TRAPPC9: variants seen among roughly 807,000 people sequenced by gnomAD.
The protein encoded by TRAPPC9 is trafficking protein particle complex subunit 9, also known as IKK2 binding protein.
In TRAPPC9, 83 loss-of-function variants were observed where a neutral mutation model predicts 124.0. The ratio of observed to expected loss-of-function variants is 0.67; its 90% confidence interval spans 0.56 to 0.80. The LOEUF (loss-of-function observed/expected upper bound fraction) is 0.80, where lower values mean the gene tolerates loss of function less well. Among genes scored for constraint, TRAPPC9 ranks in the 30% least tolerant of loss-of-function variants. The pLI is 0.00. For missense variants in TRAPPC9, 1,302 were observed against 1,508.3 expected, an observed-to-expected ratio of 0.86 and a Z score of 2.27; for synonymous variants, 638 against 617.5, an observed-to-expected ratio of 1.03 and a Z score of -0.49.
intron 21 of TRAPPC9, among the ~76,000 whole-genome samples, chr8:139,872,646 G>C (rs950792415): frequency 1.6e-4 from 24 of 150,216 alleles, no homozygotes; most frequent in Non-Finnish European, 3.4e-4. Flanking sequence ...GTAAATGGTT[G>C]GATAAGTGGA....
intron 21 of TRAPPC9, among the ~76,000 whole-genome samples, chr8:139,838,548 A>G (rs116769066): frequency 1.3e-5 from 2 of 152,274 alleles, no homozygotes; most frequent in South Asian, 2.1e-4. Flanking sequence ...GAGCCCCCCA[A>G]GGAAGAGAAT....
intron 7 of TRAPPC9, among the ~76,000 whole-genome samples, chr8:140,394,637 G>C (rs1289316471): frequency 6.6e-6 from 1 of 151,894 alleles, no homozygotes; most frequent in African/African-American, 2.4e-5. Flanking sequence ...TGACTTTTAT[G>C]CAAGACCTGT....
chr8:140,185,426 C>G (rs576032193), intron 17 of TRAPPC9, among the ~76,000 whole-genome samples: 1 of 152,208 alleles, frequency 6.6e-6, no homozygotes, highest in Non-Finnish European at 1.5e-5. Context: ...TGTGGAAGTG[C>G]GTTTCTCTCT....
intron 19 of TRAPPC9, chr8:139,932,792 C>A: frequency 3.0e-6 from 1 of 338,520 alleles, no homozygotes. Flanking sequence ...TCATGCAGGG[C>A]AGGGTCCCAA....
At chr8:139,735,595 A>G (rs1586727992) in intron 21 of TRAPPC9, among the ~76,000 whole-genome samples, 1 of 152,292 alleles carries the variant, frequency 6.6e-6, no homozygotes, top group East Asian at 1.9e-4. Context: ...TGGTTCCATT[A>G]AGGGAAAGAT....
chr8:140,380,741 C>T (rs1408202193), intron 7 of TRAPPC9, among the ~76,000 whole-genome samples: 1 of 150,932 alleles, frequency 6.6e-6, no homozygotes, highest in Non-Finnish European at 1.5e-5. Context: ...GGGTCACAGA[C>T]CTAAATGCAA....
rs71320340 is a variant in TRAPPC9 at position 140,019,542 on chromosome 8, CTTTTTTTTTTTTT to C, written c.2699+4382_2699+4394del. Among the ~76,000 whole-genome samples, 12 of 43,840 alleles carry C rather than the reference CTTTTTTTTTTTTT, an allele frequency of 2.7e-4. No homozygotes were observed. The East Asian group carries it at 3.2e-3, about 12-fold the overall frequency. 28.8% of individuals were successfully genotyped at this position (43,840 alleles called of 152,430 possible). ...CTGTGTCAATTTTAGTAATTTGTGT[CTTTTTTTTTTTTT>C]TTTTTTTTTTTTTTTGAGACAGAAT... On this transcript the variant is annotated intron_variant, in intron 18 of 22. Coordinates refer to ENST00000438773, the MANE Select transcript of TRAPPC9 (RefSeq NM_001160372.4).
At chr8:139,875,586 C>T (rs1004047177) in intron 21 of TRAPPC9, among the ~76,000 whole-genome samples, 1 of 152,262 alleles carries the variant, frequency 6.6e-6, no homozygotes, top group Admixed American at 6.5e-5. Context: ...AGCCTTCGCC[C>T]CCCACACCCA....
upstream of TRAPPC9, chr8:140,458,433 G>T (rs1052421058): frequency 6.3e-7 from 1 of 1,585,902 alleles, no homozygotes; most frequent in East Asian, 2.3e-5. Flanking sequence ...CACGTGGGTG[G>T]GTGACCGTGG....
chr8:139,800,899 G>A (rs968446691), intron 21 of TRAPPC9, among the ~76,000 whole-genome samples: 1 of 146,846 alleles, frequency 6.8e-6, no homozygotes, highest in Non-Finnish European at 1.5e-5. Context: ...CCGCCCTCCG[G>A]TACCTTCCCT....
At chr8:140,356,678 C>T (rs538170398) in intron 9 of TRAPPC9, among the ~76,000 whole-genome samples, 45 of 150,242 alleles carry the variant, frequency 3.0e-4, no homozygotes, top group Admixed American at 2.6e-3. Flanking sequence ...GGCATGATCT[C>T]GGCTCACTGC....
At chr8:139,853,073 C>T (rs1827591723) in intron 21 of TRAPPC9, among the ~76,000 whole-genome samples, 1 of 152,184 alleles carries the variant, frequency 6.6e-6, no homozygotes, top group Admixed American at 6.5e-5. Flanking sequence ...CGTGGTGACG[C>T]CAACACCTGG....
intron 4 of TRAPPC9, among the ~76,000 whole-genome samples, chr8:140,429,559 G>A (rs1306088242): frequency 6.6e-6 from 1 of 152,204 alleles, no homozygotes. Context: ...TATATAAAAT[G>A]TGTGTAGAGG....
intron 21 of TRAPPC9, among the ~76,000 whole-genome samples, chr8:139,770,166 C>A (rs1563800700): frequency 6.6e-6 from 1 of 152,244 alleles, no homozygotes; most frequent in Non-Finnish European, 1.5e-5. Flanking sequence ...TCCTAAGGCA[C>A]CCACAGCGCT....
At chr8:139,807,628 T>C (rs1238458978) in intron 21 of TRAPPC9, among the ~76,000 whole-genome samples, 1 of 152,050 alleles carries the variant, frequency 6.6e-6, no homozygotes, top group Non-Finnish European at 1.5e-5. Context: ...TGTGCGGAGA[T>C]TGAAGCGGGT....
At chr8:139,976,730 C>T (rs180943695) in intron 19 of TRAPPC9, among the ~76,000 whole-genome samples, 2 of 152,222 alleles carry the variant, frequency 1.3e-5, no homozygotes, top group Admixed American at 6.5e-5. Context: ...ATGAAGCAGC[C>T]TTGCAGAGTC....
intron 17 of TRAPPC9, among the ~76,000 whole-genome samples, chr8:140,105,096 T>C (rs1314074061): frequency 6.6e-6 from 1 of 152,152 alleles, no homozygotes; most frequent in Non-Finnish European, 1.5e-5. Context: ...TCCATCCTCT[T>C]CTACCCTCCC....
rs1158317659 is a variant in TRAPPC9 at position 139,984,103 on chromosome 8, G to T, written c.2810+4623C>A. On this transcript the variant is annotated intron_variant, in intron 19 of 22. Coordinates refer to ENST00000438773, the MANE Select transcript of TRAPPC9 (RefSeq NM_001160372.4). The surrounding 1 kb of genome is among the most constrained non-coding windows in gnomAD (Gnocchi z 4.3). ...TGAGATCACCCCTTCCTACTAGGAGGGAGGAGAGGCGGCAGGCACCACAAT... is the reference window on the plus strand; with the variant it reads ...TGAGATCACCCCTTCCTACTAGGAGTGAGGAGAGGCGGCAGGCACCACAAT... 3.3e-5 allele frequency among the ~76,000 whole-genome samples: 5 copies of T among 152,158 alleles called. No homozygotes were observed. Among genetic ancestry groups the T allele is most frequent in the African/African-American group, 1.2e-4 (5 of 41,448 alleles).
intron 21 of TRAPPC9, among the ~76,000 whole-genome samples, chr8:139,803,011 T>C (rs565640288): frequency 6.6e-6 from 1 of 152,156 alleles, no homozygotes; most frequent in African/African-American, 2.4e-5. Flanking sequence ...GTATGTTGTG[T>C]GTGCATCCGT....
Sources: allele counts gnomAD v4.1 joint callset (sites outside exome capture counted in the v4.1 genomes callset), GRCh38; gene constraint gnomAD v4.1.1; non-coding constraint Gnocchi (gnomAD v3.1); transcripts MANE v1.5; gene names NCBI Gene and HGNC (gene_info 2026-07-23, HGNC 2026-07-21).